The following KLF8 variants were observed in gnomAD, a reference collection of about 807,000 sequenced individuals.
KLF8 encodes the protein KLF transcription factor 8.
Under a neutral mutation model 18.2 loss-of-function variants are expected in KLF8, and 10 were observed. The ratio of observed to expected loss-of-function variants is 0.55; its 90% CI spans 0.34 to 0.93. The LOEUF (loss-of-function observed/expected upper bound fraction) is 0.93, where lower values mean the gene tolerates loss of function less well. Among genes scored for constraint, KLF8 ranks in the 40% least tolerant of loss-of-function variants. The pLI is 0.02. For synonymous variants in KLF8, 109 were observed against 97.3 expected (o/e 1.12, Z -0.71); for missense variants, 264 against 277.9 (o/e 0.95, Z 0.36).
chrX:55,939,374 G>T, the KLF8 span, among the ~76,000 whole-genome samples: 1 of 110,958 alleles, frequency 9.0e-6, no homozygotes, highest in Non-Finnish European at 1.9e-5. Context: ...CACATTCAAA[G>T]CAGTATGTAG....
At chrX:56,173,503 C>A in the KLF8 span, among the ~76,000 whole-genome samples, 2 of 111,620 alleles carry the variant, frequency 1.8e-5, no homozygotes, top group Admixed American at 1.9e-4. Context: ...TTACTGTAGC[C>A]TTGTAGTATA....
the KLF8 span, among the ~76,000 whole-genome samples, chrX:56,103,329 C>T: frequency 1.8e-5 from 2 of 111,506 alleles, no homozygotes; most frequent in Non-Finnish European, 3.8e-5. Context: ...GATACTGATT[C>T]TGCCTATCAA....
chrX:56,080,017 C>A, the KLF8 span, among the ~76,000 whole-genome samples: 2 of 110,947 alleles, frequency 1.8e-5, no homozygotes, highest in Admixed American at 1.9e-4. Context: ...CTTCCTCCAT[C>A]CTTCTATTTT....
At chrX:56,101,688 C>A in the KLF8 span, among the ~76,000 whole-genome samples, 4 of 112,101 alleles carry the variant, frequency 3.6e-5, no homozygotes, top group African/African-American at 1.3e-4. Context: ...ATTTGCATTT[C>A]TCTGAAGACT....
At chrX:56,053,389 T>C in the KLF8 span, among the ~76,000 whole-genome samples, 1 of 111,861 alleles carries the variant, frequency 8.9e-6, no homozygotes, top group African/African-American at 3.2e-5. Context: ...ATAAGTTTTT[T>C]AATATGCTGC....
chrX:56,036,132 C>T, the KLF8 span, among the ~76,000 whole-genome samples: 2 of 110,919 alleles, frequency 1.8e-5, no homozygotes, highest in Non-Finnish European at 3.8e-5. Flanking sequence ...AATAATTATA[C>T]ATATTTATGG....
rs1328387562 is a variant in KLF8 at position 56,247,598 on chromosome X, A to AT, written c.8-2623dup. 3.8e-3 allele frequency among the ~76,000 whole-genome samples: 409 copies of AT among 107,457 alleles called. 2 individuals carry two copies. In the Middle Eastern group the frequency reaches 0.049, roughly 13 times the overall value. The allele number at this position is 107,457 out of a possible 115,157, so 93.3% of individuals were successfully genotyped here. A position where few individuals can be genotyped will look rare whatever the true frequency, so the allele number is the denominator to read the frequency against. ...TATAAGCTTTTTTCTATTGTTAATTATTTTTTTTTTGCTTTTTACAAGTTT... is the reference window on the plus strand; with the variant it reads ...TATAAGCTTTTTTCTATTGTTAATTATTTTTTTTTTTGCTTTTTACAAGTTT... On this transcript the variant is annotated intron_variant, in intron 1 of 5. Transcript: ENST00000468660.
chrX:56,261,837 T>C (rs904163233), intron 2 of KLF8, among the ~76,000 whole-genome samples: 5 of 111,732 alleles, frequency 4.5e-5, no homozygotes, highest in African/African-American at 1.6e-4. Context: ...ACCCTGATAG[T>C]GTGTAGATAT....
the KLF8 span, among the ~76,000 whole-genome samples, chrX:56,137,287 T>C: frequency 9.2e-6 from 1 of 109,063 alleles, no homozygotes; most frequent in Non-Finnish European, 1.9e-5. Flanking sequence ...ATCATGCTGC[T>C]ATAAAGACAC....
chrX:56,258,978 C>T (rs2066844169), intron 2 of KLF8, among the ~76,000 whole-genome samples: 1 of 111,419 alleles, frequency 9.0e-6, no homozygotes, highest in South Asian at 3.8e-4. Flanking sequence ...ACACATGCTG[C>T]TCTCCCTTCT....
At chrX:55,910,384 A>G in the KLF8 span, among the ~76,000 whole-genome samples, 2 of 111,185 alleles carry the variant, frequency 1.8e-5, no homozygotes, top group Non-Finnish European at 3.8e-5. Context: ...GAGTGGGGAT[A>G]AGATAGGAGA....
At chrX:56,074,484 T>A in the KLF8 span, 1 of 112,016 alleles carries the variant, frequency 8.9e-6, no homozygotes, top group African/African-American at 3.2e-5. Flanking sequence ...CAGATGGTGA[T>A]CTGACATCAT....
At chrX:56,214,438 C>T in the KLF8 span, among the ~76,000 whole-genome samples, 7 of 112,101 alleles carry the variant, frequency 6.2e-5, no homozygotes, top group Non-Finnish European at 1.1e-4. Context: ...GCCTCAAATT[C>T]ATATGATAAA....
chrX:56,189,925 A>G, the KLF8 span, among the ~76,000 whole-genome samples: 2 of 104,669 alleles, frequency 1.9e-5, no homozygotes, highest in African/African-American at 6.9e-5. Flanking sequence ...ATGCTAAATG[A>G]CGAGTTAATG....
At chrX:55,989,701 G>A in the KLF8 span, among the ~76,000 whole-genome samples, 88 of 111,812 alleles carry the variant, frequency 7.9e-4, no homozygotes, top group East Asian at 0.01. Flanking sequence ...TTGGTATCAG[G>A]ATAATTCTGG....
chrX:55,986,999 A>T, the KLF8 span, among the ~76,000 whole-genome samples: 2 of 110,977 alleles, frequency 1.8e-5, no homozygotes, highest in African/African-American at 3.3e-5. Flanking sequence ...TTATATATGT[A>T]CCATATTTTC....
At chrX:56,055,981 C>A in the KLF8 span, among the ~76,000 whole-genome samples, 2 of 111,048 alleles carry the variant, frequency 1.8e-5, no homozygotes, top group Non-Finnish European at 3.8e-5. Flanking sequence ...TATTTTGATT[C>A]TTAGCTTATA....
chrX:55,990,097 C>T, the KLF8 span, among the ~76,000 whole-genome samples: 7 of 111,311 alleles, frequency 6.3e-5, no homozygotes, highest in African/African-American at 2.3e-4. Flanking sequence ...ACTCTCTTTT[C>T]TTCTTTATTA....
chrX:55,939,889 T>G, the KLF8 span, among the ~76,000 whole-genome samples: 2 of 111,614 alleles, frequency 1.8e-5, no homozygotes, highest in African/African-American at 6.5e-5. Context: ...AATTAATAGC[T>G]TACCAATCAA....
Sources: allele counts gnomAD v4.1 joint callset (sites outside exome capture counted in the v4.1 genomes callset), GRCh38; gene constraint gnomAD v4.1.1; transcripts MANE v1.5; gene names NCBI Gene and HGNC (gene_info 2026-07-23, HGNC 2026-07-21).